Variants in TRPC1 observed in about 807,000 individuals in gnomAD.
The protein encoded by TRPC1 is short transient receptor potential channel 1.
TRPC1 carries 42 observed loss-of-function variants against 88.2 expected under a neutral mutation model. The observed-to-expected ratio is 0.48, with a 90% CI of 0.37 to 0.62. The LOEUF (loss-of-function observed/expected upper bound fraction) is 0.62. Ranked by LOEUF, TRPC1 falls within the 20% of genes least tolerant of loss-of-function variation. The pLI, the probability that TRPC1 is intolerant of heterozygous loss-of-function variation, is 0.00. For missense variants in TRPC1, 699 were observed against 957.3 expected (o/e 0.73, Z 3.56); for synonymous variants, 288 against 331.8 (o/e 0.87, Z 1.43).
intron 12 of TRPC1, among the ~76,000 whole-genome samples, chr3:142,805,599 T>A (rs542459762): frequency 3.9e-5 from 6 of 152,058 alleles, no homozygotes; most frequent in African/African-American, 1.4e-4. Context: ...AAGAATGGAG[T>A]TCCTTTTGGG....
Position 142,807,729 on chromosome 3 carries a change from T to C in TRPC1, c.*1494T>C, listed in dbSNP as rs1484753267. On this transcript the variant is annotated 3_prime_UTR_variant, in exon 13 of 13. Transcript: ENST00000476941. The stretch of plus-strand genomic sequence containing the variant: ...ATTATGCACTTCCCAATTGGGATTT[T>C]ACATCTGGATTTTTAGTCATTCTAA... The C allele has an allele frequency of 6.6e-6, 1 of 152,260 alleles. No homozygotes were observed. Among genetic ancestry groups the C allele is most frequent in the Admixed American group, 6.5e-5 (1 of 15,288 alleles). 9.4% of individuals were successfully genotyped at this position (152,260 alleles called of 1,614,324 possible).
chr3:142,758,275 G>T (rs886768816), intron 4 of TRPC1, among the ~76,000 whole-genome samples: 1 of 152,008 alleles, frequency 6.6e-6, no homozygotes, highest in African/African-American at 2.4e-5. Flanking sequence ...GTTCCCCTTT[G>T]TCCACATCTT....
At position 142,776,270 on chromosome 3, in the gene TRPC1, G is replaced by A. The variant is rs1045430837; in HGVS notation, c.633-1362G>A. Among the ~76,000 whole-genome samples, 1 of 152,136 alleles carries A rather than the reference G, an allele frequency of 6.6e-6. No individual in the cohort carries two copies. The highest frequency in any genetic ancestry group is 2.4e-5 in the African/African-American group (1 of 41,436). On this transcript the variant is annotated intron_variant, in intron 4 of 12. Coordinates refer to ENST00000476941, the MANE Select transcript of TRPC1 (RefSeq NM_001251845.2). The surrounding 1 kb of genome is among the most constrained non-coding windows in gnomAD (Gnocchi z 4.1). ...CGAGTTTTGAGGATTGCAGTTGGGAGGTGATGGGAGGACATGGATGAGGGA... is the reference window on the plus strand; with the variant it reads ...CGAGTTTTGAGGATTGCAGTTGGGAAGTGATGGGAGGACATGGATGAGGGA...
At chr3:142,805,129 T>TACACACACACAC (rs71153991) in intron 12 of TRPC1, among the ~76,000 whole-genome samples, 13 of 95,276 alleles carry the variant, frequency 1.4e-4, no homozygotes, top group Non-Finnish European at 2.0e-4. Context: ...AATATATATA[T>TACACACACACAC]ACACACACAC....
At chr3:142,793,628 A>G (rs1209248454) in intron 9 of TRPC1, among the ~76,000 whole-genome samples, 1 of 152,060 alleles carries the variant, frequency 6.6e-6, no homozygotes, top group Non-Finnish European at 1.5e-5. Context: ...AAAGACTCAT[A>G]ATTGGTTGCA....
At chr3:142,740,605 T>A (rs1366344365) in intron 2 of TRPC1, among the ~76,000 whole-genome samples, 1 of 152,238 alleles carries the variant, frequency 6.6e-6, no homozygotes, top group Non-Finnish European at 1.5e-5. Context: ...AAATGAATTG[T>A]TGAAGATATC....
intron 4 of TRPC1, among the ~76,000 whole-genome samples, chr3:142,760,260 T>A (rs1430531231): frequency 6.6e-6 from 1 of 152,244 alleles, no homozygotes; most frequent in African/African-American, 2.4e-5. Context: ...TTGTGTATTG[T>A]GAGAGATTGG....
chr3:142,804,003 T>C lies in TRPC1; in HGVS notation c.1784T>C (p.Phe595Ser). ...TTCATTGGCACCTGCTTTGCTTTGTTCTGGTATATTTTCTCCTTAGCGCAT... is the reference window on the plus strand; with the variant it reads ...TTCATTGGCACCTGCTTTGCTTTGTCCTGGTATATTTTCTCCTTAGCGCAT... ...HSFIGTCFAL[F>S]WYIFSLAHVA... Residue 595 changes from phenylalanine (F) to serine (S), a missense_variant, in exon 11 of 13, where the codon TTC (phenylalanine) becomes TCC (serine). By Grantham distance (155) the Phe-to-Ser change is radical. This residue lies in a region of TRPC1 where 426 missense variants were observed against 641.3 expected (regional missense o/e 0.66). Coordinates refer to ENST00000476941, the MANE Select transcript of TRPC1 (RefSeq NM_001251845.2). 6.2e-7 allele frequency: 1 copy of C among 1,613,718 alleles called. No homozygotes were observed. The highest frequency in any genetic ancestry group is 8.5e-7 in the Non-Finnish European group (1 of 1,179,746).
At position 142,802,342 on chromosome 3, in the gene TRPC1, T is replaced by C. The variant is rs781021859; in HGVS notation, c.1755T>C (p.His585=). The C allele has an allele frequency of 7.1e-7, 1 of 1,400,856 alleles. No individual in the cohort carries two copies. The highest frequency in any genetic ancestry group is 9.3e-7 in the Non-Finnish European group (1 of 1,073,590). 86.8% of individuals were successfully genotyped at this position (1,400,856 alleles called of 1,614,324 possible). ...FCEQQSNDTF[H]SFIGTCFALF... Reference sequence around the variant, plus strand: ...AACAGCAAAGCAATGATACCTTCCATTCGTGAGTATCTTTTAAATGTTTTA... The same window carrying C: ...AACAGCAAAGCAATGATACCTTCCACTCGTGAGTATCTTTTAAATGTTTTA... The change falls in exon 10 of 13, where the codon CAT becomes CAC. Residue 585 remains histidine (H), a splice_region_variant and synonymous_variant. Coordinates refer to ENST00000476941, the MANE Select transcript of TRPC1 (RefSeq NM_001251845.2).
chr3:142,796,841 TAGAAG>T (rs1936468432), intron 9 of TRPC1, among the ~76,000 whole-genome samples: 1 of 152,028 alleles, frequency 6.6e-6, no homozygotes, highest in Admixed American at 6.6e-5. Flanking sequence ...TTGAGGAGGA[TAGAAG>T]AGAAAGAGGC....
At chr3:142,736,758 G>C (rs1029394293) in intron 2 of TRPC1, among the ~76,000 whole-genome samples, 5 of 151,764 alleles carry the variant, frequency 3.3e-5, no homozygotes, top group Admixed American at 6.6e-5. Context: ...ATAATATTTT[G>C]AATTGATTTA....
intron 9 of TRPC1, among the ~76,000 whole-genome samples, chr3:142,794,983 G>A (rs1250880109): frequency 1.3e-5 from 2 of 151,914 alleles, no homozygotes; most frequent in African/African-American, 4.8e-5. Flanking sequence ...TGTACAAAAA[G>A]TTTAAAGTTT....
intron 10 of TRPC1, among the ~76,000 whole-genome samples, chr3:142,803,302 C>G (rs1198545219): frequency 2.0e-5 from 3 of 152,078 alleles, no homozygotes; most frequent in African/African-American, 7.2e-5. Flanking sequence ...AGAGCATTTA[C>G]AGAGAGAGAG....
chr3:142,789,506 T>C (rs1456554077), intron 7 of TRPC1, among the ~76,000 whole-genome samples: 1 of 152,214 alleles, frequency 6.6e-6, no homozygotes, highest in Non-Finnish European at 1.5e-5. Flanking sequence ...ATAATTAAGA[T>C]GTTTTGAACA....
chr3:142,754,564 A>C (rs747273499), intron 4 of TRPC1, among the ~76,000 whole-genome samples: 4 of 152,236 alleles, frequency 2.6e-5, no homozygotes, highest in Admixed American at 6.5e-5. Context: ...CAAAAATTTA[A>C]TTTGCAGAAG....
At chr3:142,797,538 C>T (rs374382833) in intron 9 of TRPC1, among the ~76,000 whole-genome samples, 1 of 152,088 alleles carries the variant, frequency 6.6e-6, no homozygotes, top group Admixed American at 6.6e-5. Flanking sequence ...TTGTATCTAA[C>T]TGTCTTGCTT....
chr3:142,790,662 G>A (rs1936266636), intron 7 of TRPC1, among the ~76,000 whole-genome samples: 3 of 152,076 alleles, frequency 2.0e-5, no homozygotes, highest in Admixed American at 2.0e-4. Context: ...GCACATCCAT[G>A]TGTGTATCCG....
At chr3:142,742,225 T>C (rs867993319) in intron 2 of TRPC1, among the ~76,000 whole-genome samples, 1 of 152,172 alleles carries the variant, frequency 6.6e-6, no homozygotes, top group African/African-American at 2.4e-5. Context: ...TAGCATTCTT[T>C]TTGTTCATTT....
intron 9 of TRPC1, among the ~76,000 whole-genome samples, chr3:142,793,367 T>C (rs990382126): frequency 7.2e-5 from 11 of 152,142 alleles, no homozygotes; most frequent in African/African-American, 2.4e-4. Flanking sequence ...TCATATTTGA[T>C]GATTTTTGAA....
Sources: allele counts gnomAD v4.1 joint callset (sites outside exome capture counted in the v4.1 genomes callset), GRCh38; gene constraint gnomAD v4.1.1; regional missense constraint gnomAD v4.1.1; non-coding constraint Gnocchi (gnomAD v3.1); transcripts MANE v1.5; gene names NCBI Gene and HGNC (gene_info 2026-07-23, HGNC 2026-07-21).